SLC8A1: variants seen among roughly 807,000 people sequenced by gnomAD.
SLC8A1 encodes the protein sodium/calcium exchanger 1.
A neutral mutation model predicts 68.3 loss-of-function variants in SLC8A1; 18 were observed. The ratio of observed to expected loss-of-function variants is 0.26; its 90% confidence interval spans 0.18 to 0.39. The LOEUF (loss-of-function observed/expected upper bound fraction) is 0.39, where lower values mean the gene tolerates loss of function less well. SLC8A1 is among the 10% of genes least tolerant of loss of function. The probability of loss-of-function intolerance (pLI) is 1.00; values close to 1 mark genes in which losing one functional copy is unlikely to be tolerated. For synonymous variants in SLC8A1, 475 were observed against 415.5 expected (o/e 1.14, Z -1.74); for missense variants, 985 against 1,156.7 (o/e 0.85, Z 2.15).
At chr2:40,361,108 T>TG (rs1674489353) in intron 2 of SLC8A1, among the ~76,000 whole-genome samples, 1 of 152,082 alleles carries the variant, frequency 6.6e-6, no homozygotes, top group South Asian at 2.1e-4. Context: ...CTTAGTAAGT[T>TG]GAAGATTTCC....
At chr2:40,388,335 A>C (rs1219478831) in intron 2 of SLC8A1, among the ~76,000 whole-genome samples, 1 of 152,326 alleles carries the variant, frequency 6.6e-6, no homozygotes, top group East Asian at 1.9e-4. Flanking sequence ...TTGTTGTTGC[A>C]TAATGAGTTC....
At chr2:40,132,527 C>T (rs776267736) in intron 7 of SLC8A1, among the ~76,000 whole-genome samples, 9 of 151,786 alleles carry the variant, frequency 5.9e-5, no homozygotes, top group East Asian at 1.9e-4. Context: ...GATGGTCCAC[C>T]GAGAAGTAAA....
intron 1 of SLC8A1, among the ~76,000 whole-genome samples, chr2:40,473,793 G>T (rs1305136971): frequency 1.3e-5 from 2 of 152,138 alleles, no homozygotes; most frequent in Non-Finnish European, 1.5e-5. Context: ...TACACACCCA[G>T]TGGTGGGGAA....
intron 2 of SLC8A1, among the ~76,000 whole-genome samples, chr2:40,306,039 G>A (rs536823873): frequency 1.3e-5 from 2 of 152,282 alleles, no homozygotes; most frequent in Non-Finnish European, 2.9e-5. Context: ...GTTTTGGGAG[G>A]ATGAATGTAT....
intron 2 of SLC8A1, among the ~76,000 whole-genome samples, chr2:40,253,150 C>CATATATACACGTATATATGTATATGTAT (rs1289357303): frequency 9.8e-6 from 1 of 102,192 alleles, no homozygotes; most frequent in South Asian, 2.6e-4. Flanking sequence ...TATGTATATA[C>CATATATACACGTATATATGTATATGTAT]ATACATATAT....
chr2:40,282,092 T>C (rs1296932121), intron 2 of SLC8A1, among the ~76,000 whole-genome samples: 1 of 152,186 alleles, frequency 6.6e-6, no homozygotes, highest in Non-Finnish European at 1.5e-5. Context: ...TTGTGTCCTC[T>C]CCTTCTAATA....
chr2:40,250,096 A>C (rs555377841), intron 2 of SLC8A1, among the ~76,000 whole-genome samples: 9 of 152,308 alleles, frequency 5.9e-5, no homozygotes, highest in African/African-American at 1.7e-4. Context: ...CCTTAGCTTA[A>C]ATTGTTAAAG....
At chr2:40,104,762 A>G (rs1010742029) in exon 8 of SLC8A1, 1 of 152,208 alleles carries the variant, frequency 6.6e-6, no homozygotes, top group Non-Finnish European at 1.5e-5. Context: ...GAAGAAATAT[A>G]AAAGGCTCTA....
chr2:40,179,205 G>A (rs1047108186), intron 2 of SLC8A1, among the ~76,000 whole-genome samples: 2 of 152,154 alleles, frequency 1.3e-5, no homozygotes, highest in Admixed American at 6.5e-5. Context: ...GTGAAAGTGG[G>A]GTGGCAGCAG....
intron 2 of SLC8A1, among the ~76,000 whole-genome samples, chr2:40,182,613 C>T (rs1344686763): frequency 6.6e-6 from 1 of 152,180 alleles, no homozygotes; most frequent in African/African-American, 2.4e-5. Flanking sequence ...CTATACTTTA[C>T]TTCCCAGTCT....
At position 40,478,243 on chromosome 2, in the gene SLC8A1, G is replaced by GACAC. The variant is rs1553622896; in HGVS notation, c.-25+34105_-25+34106insGTGT. 4.3e-3 allele frequency among the ~76,000 whole-genome samples: 660 copies of GACAC among 151,838 alleles called. 3 individuals carry two copies. The highest frequency in any genetic ancestry group is 0.015 in the African/African-American group (633 of 41,408). On this transcript the variant is annotated intron_variant, in intron 1 of 7. Transcript: ENST00000402441. ...ACCCACCCGCCCTCACACACAATCA[G>GACAC]AGTCCATTACCATTTTTCTGAAAAA...
chr2:40,428,896 C>T (rs747397739), exon 2 of SLC8A1: 4 of 1,613,680 alleles, frequency 2.5e-6, no homozygotes, highest in Admixed American at 3.3e-5. Flanking sequence ...CACCACAGTT[C>T]CTTCAGTAAA....
chr2:40,260,867 T>G (rs1574866955), intron 2 of SLC8A1, among the ~76,000 whole-genome samples: 1 of 151,774 alleles, frequency 6.6e-6, no homozygotes, highest in South Asian at 2.1e-4. Context: ...GACCTAAGAG[T>G]GTGTGGCAAA....
At chr2:40,355,232 G>C (rs1672314815) in intron 2 of SLC8A1, among the ~76,000 whole-genome samples, 1 of 152,142 alleles carries the variant, frequency 6.6e-6, no homozygotes, top group Non-Finnish European at 1.5e-5. Flanking sequence ...CTGATGCAGA[G>C]GGAAAAACAT....
chr2:40,246,149 A>G (rs2061839400), intron 2 of SLC8A1, among the ~76,000 whole-genome samples: 1 of 152,202 alleles, frequency 6.6e-6, no homozygotes, highest in Admixed American at 6.5e-5. Context: ...CACATAGAAG[A>G]TGAAATGGAA....
intron 2 of SLC8A1, among the ~76,000 whole-genome samples, chr2:40,312,170 CACCTCAATA>C (rs1267574623): frequency 6.6e-6 from 1 of 152,150 alleles, no homozygotes; most frequent in Non-Finnish European, 1.5e-5. Context: ...ACAGGAACAT[CACCTCAATA>C]AGCACACTTG....
At chr2:40,472,246 A>G (rs1475979908) in intron 1 of SLC8A1, among the ~76,000 whole-genome samples, 1 of 152,222 alleles carries the variant, frequency 6.6e-6, no homozygotes, top group Non-Finnish European at 1.5e-5. Context: ...AAGCCTAACA[A>G]CTTCTATGTC....
Position 40,450,349 on chromosome 2 carries a change from T to TAA in SLC8A1, c.-25+1554_-25+1555insTT, listed in dbSNP as rs1702206464. On this transcript the variant is annotated intron_variant, in intron 1 of 7. Coordinates refer to ENST00000406785, the Ensembl canonical transcript of SLC8A1. ...CTTTGAGAGAGAAAGAGAAAGCATG[T>TAA]GAGTGTGTGTGTGTGTGTGTGCACG... Among the ~76,000 whole-genome samples, 5 of 122,140 alleles carry TAA rather than the reference T, an allele frequency of 4.1e-5. No homozygotes were observed. The South Asian group carries it at 1.2e-3, about 29-fold the overall frequency. 80.1% of individuals were successfully genotyped at this position (122,140 alleles called of 152,430 possible).
At chr2:40,218,090 TTCTTAC>T (rs1337781269) in intron 2 of SLC8A1, among the ~76,000 whole-genome samples, 1 of 98,184 alleles carries the variant, frequency 1.0e-5, no homozygotes, top group Non-Finnish European at 2.3e-5. Flanking sequence ...ATATTTCAAC[TTCTTAC>T]AGTTAGTTTG....
Sources: allele counts gnomAD v4.1 joint callset (sites outside exome capture counted in the v4.1 genomes callset), GRCh38; gene constraint gnomAD v4.1.1; transcripts MANE v1.5; gene names NCBI Gene and HGNC (gene_info 2026-07-23, HGNC 2026-07-21).